PRAG1: variants seen among roughly 807,000 people sequenced by gnomAD.
PRAG1 encodes the protein PEAK1 related, kinase-activating pseudokinase 1.
In PRAG1, 110 loss-of-function variants were observed where a neutral mutation model predicts 95.6. The observed-to-expected ratio is 1.15, with a 90% CI of 0.99 to 1.35. PRAG1 has a LOEUF of 1.35. Ranked by LOEUF, PRAG1 falls within the 40% of genes most tolerant of loss-of-function variation. The pLI is 0.00. For synonymous variants in PRAG1, 1,052 were observed against 819.4 expected (o/e 1.28, Z -4.85); for missense variants, 2,554 against 1,864.7 (o/e 1.37, Z -6.81).
chr8:8,356,530 T>A (rs574608362), intron 3 of PRAG1, among the ~76,000 whole-genome samples: 95 of 152,216 alleles, frequency 6.2e-4, no homozygotes, highest in Non-Finnish European at 1.2e-3. Context: ...GTATTTTTTG[T>A]AGAGATGAGG....
chr8:8,333,762 C>T (rs146845095), intron 4 of PRAG1, among the ~76,000 whole-genome samples: 17 of 152,176 alleles, frequency 1.1e-4, no homozygotes, highest in Non-Finnish European at 1.5e-4. Flanking sequence ...CAAAGGGCAG[C>T]GTCCCAACTA....
chr8:8,338,970 G>C (rs1315979879), intron 4 of PRAG1, among the ~76,000 whole-genome samples: 1 of 152,178 alleles, frequency 6.6e-6, no homozygotes, highest in Non-Finnish European at 1.5e-5. Context: ...AGGCCTTAGA[G>C]CTTAATCCAA....
At chr8:8,375,084 A>G (rs1304465209) in intron 3 of PRAG1, among the ~76,000 whole-genome samples, 1 of 152,196 alleles carries the variant, frequency 6.6e-6, no homozygotes, top group African/African-American at 2.4e-5. Flanking sequence ...TAACTAAAAA[A>G]AAAAAAAATT....
intron 2 of PRAG1, among the ~76,000 whole-genome samples, chr8:8,380,868 A>G (rs1377296360): frequency 6.6e-6 from 1 of 151,650 alleles, no homozygotes; most frequent in Non-Finnish European, 1.5e-5. Context: ...AAAAAAAAAA[A>G]AAAAAAAAAA....
At chr8:8,322,974 G>T (rs951834067) in intron 5 of PRAG1, among the ~76,000 whole-genome samples, 1 of 152,162 alleles carries the variant, frequency 6.6e-6, no homozygotes, top group African/African-American at 2.4e-5. Flanking sequence ...GGCCATAGGT[G>T]ACTTATATTT....
rs1474805168 is a variant in PRAG1, at chr8:8,332,344, G to C, written c.2321-3883C>G. On this transcript the variant is annotated intron_variant, in intron 4 of 5. Transcript: ENST00000615670. ...GCCCAGCTAATTTTTTGTATTTTTA[G>C]TAGAGACGGGGTTTCACCATGTTGG... Among the ~76,000 whole-genome samples, 3 of 152,032 alleles carry C rather than the reference G, an allele frequency of 2.0e-5. No homozygotes were observed. In the East Asian group the frequency reaches 5.8e-4, roughly 29 times the overall value.
chr8:8,341,948 C>G (rs1799181720), intron 3 of PRAG1, among the ~76,000 whole-genome samples: 1 of 152,142 alleles, frequency 6.6e-6, no homozygotes, highest in African/African-American at 2.4e-5. Context: ...GCCTGGCCAA[C>G]AGGCCAACCC....
Position 8,319,246 on chromosome 8 carries a change from C to G in PRAG1, c.3129G>C (p.Val1043=), listed in dbSNP as rs780472300. The G allele has an allele frequency of 1.3e-6, 2 of 1,551,352 alleles. No individual in the cohort carries two copies. Among genetic ancestry groups the G allele is most frequent in the African/African-American group, 1.4e-5 (1 of 73,938 alleles). ...TVSYCSPSVP[V]HFNIQQDCGH... ...CGCAGTCCTGCTGGATGTTAAAGTG[C>G]ACGGGCACGGACGGGCTGCAGTAGG... Residue 1043 remains valine, a synonymous_variant, in exon 6 of 6, where the codon GTG becomes GTC. Coordinates refer to ENST00000615670, the MANE Select transcript of PRAG1 (RefSeq NM_001080826.3).
At chr8:8,358,173 CA>C (rs1463097589) in intron 3 of PRAG1, among the ~76,000 whole-genome samples, 1 of 152,160 alleles carries the variant, frequency 6.6e-6, no homozygotes, top group Non-Finnish European at 1.5e-5. Flanking sequence ...GTTAGAGCTG[CA>C]CATAGAACTC....
chr8:8,353,873 G>T (rs545473024), intron 3 of PRAG1, among the ~76,000 whole-genome samples: 2 of 152,068 alleles, frequency 1.3e-5, no homozygotes, highest in Non-Finnish European at 2.9e-5. Context: ...AGTAGTGGTA[G>T]TAGTAGAAGA....
chr8:8,344,467 T>C (rs188794982), intron 3 of PRAG1, among the ~76,000 whole-genome samples: 13 of 152,310 alleles, frequency 8.5e-5, no homozygotes, highest in Admixed American at 8.5e-4. Context: ...ATGTAAATGA[T>C]ACTCATCAAC....
intron 2 of PRAG1, among the ~76,000 whole-genome samples, chr8:8,381,064 G>A (rs1345103299): frequency 1.3e-5 from 2 of 151,926 alleles, no homozygotes; most frequent in Admixed American, 6.6e-5. Flanking sequence ...AGGGTATTGG[G>A]TGCATGCAAT....
At chr8:8,371,646 G>T (rs1800210050) in intron 3 of PRAG1, among the ~76,000 whole-genome samples, 1 of 152,136 alleles carries the variant, frequency 6.6e-6, no homozygotes, top group South Asian at 2.1e-4. Flanking sequence ...GAGGCAGGTG[G>T]ATCATTTGAG....
chr8:8,328,157 G>A lies in PRAG1; in HGVS notation c.2625C>T (p.Val875=), dbSNP rs1222333534. 1 of 1,614,138 alleles carries A rather than the reference G, an allele frequency of 6.2e-7. No individual in the cohort carries two copies. The highest frequency in any genetic ancestry group is 1.3e-5 in the African/African-American group (1 of 74,950). ...TCTCCAGAGGATCGGAAGAGGAGAA[G>A]ACAGGATGGTGGCGGTTCCCGGGGC... ...SLSPGNRHHP[V]FSSSDPLEKA... Residue 875 remains valine, a synonymous_variant, in exon 5 of 6, where the codon GTC becomes GTT. Transcript: ENST00000615670.
rs563005437 is a variant in PRAG1 at position 8,377,724 on chromosome 8, G to A, written c.685C>T (p.Arg229Trp). The A allele has an allele frequency of 9.9e-6, 16 of 1,613,928 alleles. No homozygotes were observed. The highest frequency in any genetic ancestry group is 6.7e-5 in the East Asian group (3 of 44,866). The stretch of plus-strand genomic sequence containing the variant: ...TCATCCTCCGAGGGCAGGGATTCCC[G>A]CAGGGGCCCAGGGCCCTGGTGACAG... ...SGCHQGPGPL[R>W]ESLPSEDDSD... The change falls in exon 3 of 6, where the codon CGG (arginine) becomes TGG (tryptophan). Residue 229 changes from arginine (R) to tryptophan (W), a missense_variant. By Grantham distance (101) the Arg-to-Trp change is moderately radical (BLOSUM62 -3). Coordinates refer to ENST00000615670, the MANE Select transcript of PRAG1 (RefSeq NM_001080826.3).
intron 2 of PRAG1, among the ~76,000 whole-genome samples, chr8:8,378,558 A>G (rs868325334): frequency 4.6e-5 from 7 of 152,120 alleles, no homozygotes; most frequent in African/African-American, 1.7e-4. Flanking sequence ...AGTGTTTTTA[A>G]AACACACTGA....
At chr8:8,355,768 CAT>C (rs150204084) in intron 3 of PRAG1, among the ~76,000 whole-genome samples, 15,832 of 152,098 alleles carry the variant, frequency 0.1, 916 homozygotes, top group Middle Eastern at 0.12. Flanking sequence ...CATACACAAA[CAT>C]AAACTCAAAA....
intron 5 of PRAG1, among the ~76,000 whole-genome samples, chr8:8,321,688 T>G (rs1798476158): frequency 6.6e-6 from 1 of 152,196 alleles, no homozygotes; most frequent in Non-Finnish European, 1.5e-5. Flanking sequence ...GTTAAATTAT[T>G]TGCTCAGGAC....
intron 3 of PRAG1, among the ~76,000 whole-genome samples, chr8:8,352,904 G>C (rs1272753249): frequency 2.0e-5 from 3 of 152,094 alleles, no homozygotes; most frequent in African/African-American, 7.2e-5. Flanking sequence ...AACCAAAAGA[G>C]AGCAGAGATG....
Sources: allele counts gnomAD v4.1 joint callset (sites outside exome capture counted in the v4.1 genomes callset), GRCh38; gene constraint gnomAD v4.1.1; transcripts MANE v1.5; gene names NCBI Gene and HGNC (gene_info 2026-07-23, HGNC 2026-07-21).